SLC22A3: variants seen among roughly 807,000 people sequenced by gnomAD.
SLC22A3 encodes EMT organic cation transporter 3.
SLC22A3 carries 51 observed loss-of-function variants against 59.1 expected under a neutral mutation model. That is an observed-to-expected ratio of 0.86 (90% CI 0.69 to 1.09). The LOEUF (loss-of-function observed/expected upper bound fraction) is 1.09, where lower values mean the gene tolerates loss of function less well. SLC22A3 is among the 50% of genes least tolerant of loss of function. The pLI is 0.00. For missense variants in SLC22A3, 711 were observed against 726.3 expected, an observed-to-expected ratio of 0.98 and a Z score of 0.24; for synonymous variants, 325 against 292.0, an observed-to-expected ratio of 1.11 and a Z score of -1.15.
rs1242612252 is a variant in SLC22A3, at chr6:160,393,452, A to G, written c.430-4527A>G. Among the ~76,000 whole-genome samples the G allele has an allele frequency of 3.9e-5, 3 of 77,772 alleles. No homozygotes were observed. In the South Asian group the frequency reaches 1.5e-3, roughly 40 times the overall value. 51.0% of individuals were successfully genotyped at this position (77,772 alleles called of 152,430 possible). A position where few individuals can be genotyped will look rare whatever the true frequency, so the allele number is the denominator to read the frequency against. On this transcript the variant is annotated intron_variant, in intron 1 of 10. Transcript: ENST00000275300. Reference sequence around the variant, plus strand: ...TATCCCTCCCCCCTCCCCCTACCACACAACAGTCCCCAGTGTGTGATGTTC... The same window carrying G: ...TATCCCTCCCCCCTCCCCCTACCACGCAACAGTCCCCAGTGTGTGATGTTC...
intron 7 of SLC22A3, 22 bp downstream of exon 7, chr6:160,437,233 T>C (rs1374397722): frequency 6.2e-7 from 1 of 1,612,966 alleles, no homozygotes. Context: ...CCACATCTGT[T>C]TGGCAGCCAA....
At chr6:160,422,998 C>G (rs1787805375) in intron 5 of SLC22A3, among the ~76,000 whole-genome samples, 1 of 152,066 alleles carries the variant, frequency 6.6e-6, no homozygotes, top group African/African-American at 2.4e-5. Flanking sequence ...CACCCCGCAA[C>G]AGGCCCCGGT....
At chr6:160,351,358 G>T (rs537853273) in intron 1 of SLC22A3, among the ~76,000 whole-genome samples, 8 of 152,268 alleles carry the variant, frequency 5.3e-5, no homozygotes, top group Admixed American at 6.5e-5. Context: ...CTCGTGATCC[G>T]CCCGCCTTGG....
At chr6:160,445,539 C>T (rs1484195573) in intron 9 of SLC22A3, among the ~76,000 whole-genome samples, 1 of 152,140 alleles carries the variant, frequency 6.6e-6, no homozygotes, top group Non-Finnish European at 1.5e-5. Flanking sequence ...CCCCCAGCAT[C>T]GTCCCTCTGA....
chr6:160,399,874 C>T (rs955385740), intron 2 of SLC22A3, among the ~76,000 whole-genome samples: 1 of 152,098 alleles, frequency 6.6e-6, no homozygotes, highest in Admixed American at 6.6e-5. Context: ...CAAACTACTA[C>T]CTTCAGCATC....
intron 5 of SLC22A3, among the ~76,000 whole-genome samples, chr6:160,413,811 A>T (rs886851656): frequency 6.6e-6 from 1 of 152,210 alleles, no homozygotes; most frequent in Admixed American, 6.5e-5. Context: ...CCTTAATATC[A>T]AGTCAGTGTT....
chr6:160,449,451 A>G (rs896250850), intron 10 of SLC22A3, among the ~76,000 whole-genome samples: 4 of 152,288 alleles, frequency 2.6e-5, no homozygotes, highest in Admixed American at 2.6e-4. Context: ...AATATAGTAG[A>G]AGTATGGTTT....
At chr6:160,443,907 CT>C (rs1222614280) in intron 9 of SLC22A3, among the ~76,000 whole-genome samples, 165 bp downstream of exon 9, 11 of 151,996 alleles carry the variant, frequency 7.2e-5, no homozygotes, top group African/African-American at 2.7e-4. Flanking sequence ...ATTATAATAA[CT>C]ATTTCAGTTT....
At chr6:160,400,984 G>GAAAAAAAAAAAAAAAAAAAAAA (rs58532600) in intron 2 of SLC22A3, among the ~76,000 whole-genome samples, 2 of 78,558 alleles carry the variant, frequency 2.5e-5, no homozygotes, top group Non-Finnish European at 4.7e-5. Context: ...CTCCAAAACT[G>GAAAAAAAAAAAAAAAAAAAAAA]AAAAAAAAAA....
At chr6:160,365,107 A>G (rs1328073816) in intron 1 of SLC22A3, among the ~76,000 whole-genome samples, 1 of 152,160 alleles carries the variant, frequency 6.6e-6, no homozygotes, top group Admixed American at 6.5e-5. Flanking sequence ...AATCTGTGTG[A>G]GATAATGTAT....
At chr6:160,411,841 A>G (rs1334002229) in intron 5 of SLC22A3, among the ~76,000 whole-genome samples, 1 of 152,258 alleles carries the variant, frequency 6.6e-6, no homozygotes, top group Non-Finnish European at 1.5e-5. Flanking sequence ...TATTTAAAGC[A>G]ACCCATAAAT....
intron 2 of SLC22A3, among the ~76,000 whole-genome samples, chr6:160,404,150 T>C (rs2114845927): frequency 6.6e-6 from 1 of 151,974 alleles, no homozygotes; most frequent in Non-Finnish European, 1.5e-5. Flanking sequence ...TGTTCACAGA[T>C]GTCATGATTG....
intron 10 of SLC22A3, among the ~76,000 whole-genome samples, chr6:160,448,713 T>G (rs1788841231): frequency 6.6e-6 from 1 of 152,120 alleles, no homozygotes; most frequent in South Asian, 2.1e-4. Flanking sequence ...CATTAAAACA[T>G]AGAGATATGA....
At chr6:160,441,770 A>G (rs1788552253) in intron 7 of SLC22A3, among the ~76,000 whole-genome samples, 1 of 152,196 alleles carries the variant, frequency 6.6e-6, no homozygotes, top group African/African-American at 2.4e-5. Flanking sequence ...ATTTAGTGCT[A>G]AATGAACATA....
rs1047299268 is a variant in SLC22A3, at chr6:160,450,913, C to G, written c.1611-83C>G. 3 of 1,271,394 alleles carry G rather than the reference C, an allele frequency of 2.4e-6. No homozygotes were observed. In the South Asian group the frequency reaches 3.8e-5, roughly 16 times the overall value. 78.8% of individuals were successfully genotyped at this position (1,271,394 alleles called of 1,614,324 possible). On this transcript the variant is annotated intron_variant, in intron 10 of 10. Transcript: ENST00000275300. The stretch of plus-strand genomic sequence containing the variant: ...CATGAATGTATTTGATCAAAACCAG[C>G]TATACTATTAAATAATAACAGAACA...
chr6:160,422,263 G>A (rs1787768240), intron 5 of SLC22A3, among the ~76,000 whole-genome samples: 1 of 152,202 alleles, frequency 6.6e-6, no homozygotes, highest in Admixed American at 6.5e-5. Context: ...CATAGATGAA[G>A]CTGGAGGAAA....
chr6:160,360,550 T>G (rs1010637711), intron 1 of SLC22A3, among the ~76,000 whole-genome samples: 1 of 152,216 alleles, frequency 6.6e-6, no homozygotes, highest in Non-Finnish European at 1.5e-5. Context: ...TTAAACCTCT[T>G]TCTCTTAAGA....
chr6:160,396,749 T>C (rs1009273072), intron 1 of SLC22A3, among the ~76,000 whole-genome samples: 13 of 152,156 alleles, frequency 8.5e-5, no homozygotes, highest in African/African-American at 3.1e-4. Flanking sequence ...TTATTACATC[T>C]TATTTTTTTA....
intron 5 of SLC22A3, among the ~76,000 whole-genome samples, chr6:160,426,792 C>G (rs1340301167): frequency 3.3e-5 from 5 of 152,152 alleles, no homozygotes; most frequent in Admixed American, 3.3e-4. Flanking sequence ...CTTTTCTGAC[C>G]TGCGTAAGGC....
Sources: allele counts gnomAD v4.1 joint callset (sites outside exome capture counted in the v4.1 genomes callset), GRCh38; gene constraint gnomAD v4.1.1; transcripts MANE v1.5; gene names NCBI Gene and HGNC (gene_info 2026-07-23, HGNC 2026-07-21).